The following BBS9 variants were observed in gnomAD, a reference collection of about 807,000 sequenced individuals.
BBS9 encodes Bardet-Biedl syndrome 9.
In BBS9, 89 loss-of-function variants were observed where a neutral mutation model predicts 117.7. That is an observed-to-expected ratio of 0.76 (90% CI 0.64 to 0.90). The LOEUF is 0.90. Ranked by LOEUF, BBS9 falls within the 40% of genes least tolerant of loss-of-function variation. BBS9 has a pLI of 0.00. For synonymous variants in BBS9, 379 were observed against 370.9 expected, an observed-to-expected ratio of 1.02 and a Z score of -0.25; for missense variants, 982 against 1,042.2, an observed-to-expected ratio of 0.94 and a Z score of 0.80.
intron 9 of BBS9, among the ~76,000 whole-genome samples, chr7:33,298,988 T>C (rs1368628440): frequency 6.6e-6 from 1 of 152,220 alleles, no homozygotes; most frequent in Non-Finnish European, 1.5e-5. Flanking sequence ...AGTCTTTTAT[T>C]GTTGTTGATA....
chr7:33,214,400 A>G (rs1449660557), intron 5 of BBS9, among the ~76,000 whole-genome samples: 2 of 152,250 alleles, frequency 1.3e-5, no homozygotes, highest in Non-Finnish European at 2.9e-5. Context: ...CTTCAGTGAC[A>G]TGAAGTTACT....
At chr7:33,445,557 T>G (rs745990028) in intron 19 of BBS9, among the ~76,000 whole-genome samples, 3 of 152,248 alleles carry the variant, frequency 2.0e-5, no homozygotes, top group Non-Finnish European at 4.4e-5. Flanking sequence ...AAAGTTTGTG[T>G]TGTCCTCCAT....
At chr7:33,578,357 C>T (rs1206778965) in intron 21 of BBS9, among the ~76,000 whole-genome samples, 1 of 152,182 alleles carries the variant, frequency 6.6e-6, no homozygotes, top group East Asian at 1.9e-4. Flanking sequence ...CCCTACAAGG[C>T]AGGACACTCC....
Position 33,505,507 on chromosome 7 carries a change from G to C in BBS9, c.2160G>C (p.Leu720=). Residue 720 remains leucine, a synonymous_variant, in exon 20 of 23, where the codon CTG becomes CTC. Transcript: ENST00000242067. ...CAGTGGAGGAAAACCAAGGCAATCTGTTCCAGTCATTCACCAGGCTGAAGA... is the reference window on the plus strand; with the variant it reads ...CAGTGGAGGAAAACCAAGGCAATCTCTTCCAGTCATTCACCAGGCTGAAGA... ...ADAVEENQGN[L]FQSFTRLKSA... 1.9e-6 allele frequency: 3 copies of C among 1,614,166 alleles called. No homozygotes were observed. Among genetic ancestry groups the C allele is most frequent in the Non-Finnish European group, 2.5e-6 (3 of 1,179,990 alleles).
chr7:33,364,341 T>C (rs984877916), intron 16 of BBS9, among the ~76,000 whole-genome samples: 1 of 152,190 alleles, frequency 6.6e-6, no homozygotes, highest in Non-Finnish European at 1.5e-5. Context: ...TTAGTTTTTT[T>C]CTACAGTTAT....
chr7:33,581,827 C>T (rs982422903), intron 21 of BBS9, among the ~76,000 whole-genome samples: 35 of 152,096 alleles, frequency 2.3e-4, no homozygotes, highest in Admixed American at 1.1e-3. Flanking sequence ...GTTTTTCACG[C>T]ACATGAATTT....
intron 21 of BBS9, among the ~76,000 whole-genome samples, chr7:33,592,157 C>A (rs568742625): frequency 2.0e-5 from 3 of 152,148 alleles, no homozygotes; most frequent in East Asian, 3.9e-4. Flanking sequence ...TCATGGCCTG[C>A]AGTTTCATGT....
chr7:33,348,992 T>A, intron 12 of BBS9, 76 bp from the exon 13 acceptor site: 1 of 1,025,110 alleles, frequency 9.8e-7, no homozygotes, highest in Non-Finnish European at 1.5e-6. Flanking sequence ...TTGCTAGTTA[T>A]GTTTAAGTAG....
At chr7:33,616,097 T>A (rs1471521075) in intron 21 of BBS9, among the ~76,000 whole-genome samples, 1 of 151,930 alleles carries the variant, frequency 6.6e-6, no homozygotes, top group African/African-American at 2.4e-5. Context: ...GAAATTTGGA[T>A]CTACATAAAG....
intron 21 of BBS9, among the ~76,000 whole-genome samples, chr7:33,594,338 A>G: frequency 6.6e-6 from 1 of 152,064 alleles, no homozygotes; most frequent in Non-Finnish European, 1.5e-5. Context: ...AGCTCCATAC[A>G]TTTCGCGGGG....
chr7:33,219,281 G>C (rs1789718523), intron 5 of BBS9, among the ~76,000 whole-genome samples: 1 of 152,212 alleles, frequency 6.6e-6, no homozygotes, highest in Non-Finnish European at 1.5e-5. Flanking sequence ...CTCCTGTGCG[G>C]CCGAGCTTCC....
chr7:33,469,294 G>A (rs1840643301), intron 19 of BBS9, among the ~76,000 whole-genome samples: 2 of 152,150 alleles, frequency 1.3e-5, no homozygotes, highest in South Asian at 2.1e-4. Context: ...AGCCCATGAT[G>A]TCTTTTCCCC....
In BBS9 at chr7:33,390,095, T is replaced by C. The variant is rs867028467; in HGVS notation, c.2115+1951T>C. On this transcript the variant is annotated intron_variant, in intron 19 of 22. Transcript: ENST00000242067. ...TTGTTTTGTTTTGTTTTCTATTTCC[T>C]TCCTTCTTTTCCTTTTCCTTTTTCC... 5.1e-5 allele frequency: 13 copies of C among 255,994 alleles called. No individual in the cohort carries two copies. The South Asian group carries it at 1.3e-3, about 26-fold the overall frequency. 15.9% of individuals were successfully genotyped at this position (255,994 alleles called of 1,614,324 possible).
At chr7:33,504,754 A>C (rs566030838) in intron 19 of BBS9, among the ~76,000 whole-genome samples, 1 of 152,226 alleles carries the variant, frequency 6.6e-6, no homozygotes, top group South Asian at 2.1e-4. Context: ...TTTTCCACAG[A>C]ATTATTCAAA....
chr7:33,547,872 G>C (rs2129084333), intron 21 of BBS9, among the ~76,000 whole-genome samples: 1 of 152,288 alleles, frequency 6.6e-6, no homozygotes, highest in Non-Finnish European at 1.5e-5. Context: ...CTTATCCAGT[G>C]TAACAGGGAG....
chr7:33,297,467 G>C (rs1805507549), intron 9 of BBS9, among the ~76,000 whole-genome samples: 1 of 152,124 alleles, frequency 6.6e-6, no homozygotes, highest in Admixed American at 6.6e-5. Context: ...TTGGTTTATA[G>C]ATTTTAGAAT....
chr7:33,336,373 A>C (rs1304599936), intron 9 of BBS9, 68 bp from the exon 10 acceptor site: 18 of 1,200,624 alleles, frequency 1.5e-5, no homozygotes, highest in African/African-American at 3.0e-5. Context: ...TTGAGTAAAA[A>C]TGTAGTTGGT....
intron 19 of BBS9, among the ~76,000 whole-genome samples, chr7:33,480,959 C>G (rs1842447520): frequency 6.6e-6 from 1 of 152,094 alleles, no homozygotes. Flanking sequence ...GCCTTGCTTC[C>G]CCTTCACCTT....
intron 21 of BBS9, among the ~76,000 whole-genome samples, chr7:33,564,484 T>C (rs1023903047): frequency 2.6e-5 from 4 of 152,206 alleles, no homozygotes; most frequent in African/African-American, 9.6e-5. Flanking sequence ...ATAGTAGTGT[T>C]GTAAGGACTG....
Sources: gnomAD v4.1 joint callset for allele counts (sites outside exome capture counted in the v4.1 genomes callset) on GRCh38, gnomAD v4.1.1 for gene constraint, MANE v1.5 for transcripts, NCBI Gene and HGNC (gene_info 2026-07-23, HGNC 2026-07-21) for gene names.